Variants in MRPL45 observed in about 807,000 individuals in gnomAD.
MRPL45 encodes the protein mitochondrial ribosomal protein L45.
Under a neutral mutation model 38.1 loss-of-function variants are expected in MRPL45, and 20 were observed. The ratio of observed to expected loss-of-function variants is 0.53; its 90% CI spans 0.37 to 0.76. The LOEUF (loss-of-function observed/expected upper bound fraction) is 0.76, where lower values mean the gene tolerates loss of function less well. Among genes scored for constraint, MRPL45 ranks in the 30% least tolerant of loss-of-function variants. The pLI is 0.00. For synonymous variants in MRPL45, 105 were observed against 128.8 expected (o/e 0.82, Z 1.25); for missense variants, 337 against 395.6 (o/e 0.85, Z 1.26).
chr17:38,308,209 C>T (rs1422260911), intron 4 of MRPL45, among the ~76,000 whole-genome samples: 1 of 151,344 alleles, frequency 6.6e-6, no homozygotes, highest in African/African-American at 2.4e-5. Context: ...CAGCCTGTGC[C>T]TCCTGGGTTC....
At chr17:38,322,458 G>A in intron 7 of MRPL45, 51 bp from the exon 8 acceptor site, 1 of 1,500,890 alleles carries the variant, frequency 6.7e-7, no homozygotes, top group Non-Finnish European at 9.2e-7. Flanking sequence ...AAGCTCTTCT[G>A]GGTCAGCCAT....
intron 4 of MRPL45, among the ~76,000 whole-genome samples, chr17:38,313,644 T>C (rs2144228361): frequency 6.6e-6 from 1 of 151,648 alleles, no homozygotes; most frequent in African/African-American, 2.4e-5. Context: ...TGGCCTTTTG[T>C]ACGTCTTCTT....
chr17:38,313,351 T>TATATATATATAC (rs2037141991), intron 4 of MRPL45, among the ~76,000 whole-genome samples: 4 of 20,048 alleles, frequency 2.0e-4, no homozygotes, highest in South Asian at 2.1e-3. Flanking sequence ...TATATACGTA[T>TATATATATATAC]ATATATATAT....
chr17:38,320,935 G>T (rs567239563), intron 6 of MRPL45, among the ~76,000 whole-genome samples, 168 bp downstream of exon 6: 3 of 152,046 alleles, frequency 2.0e-5, no homozygotes, highest in Admixed American at 6.6e-5. Flanking sequence ...TTACATGTTG[G>T]CTCTACTAAG....
In MRPL45 at chr17:38,322,280, C is replaced by G. The variant is rs201020968; in HGVS notation, c.815C>G (p.Pro272Arg). Residue 272 changes from proline (P) to arginine (R), a missense_variant, in exon 7 of 8, where the codon CCT becomes CGT. This residue lies in a region of MRPL45 where 251 missense variants were observed against 269.1 expected (regional missense o/e 0.93). Coordinates refer to ENST00000613675, the MANE Select transcript of MRPL45 (RefSeq NM_032351.6). The part of the protein sequence containing the change: ...HTKIVPPWAP[P>R]KQPILKTVMI... ...AAGATCGTTCCCCCATGGGCACCCC[C>G]TAAGCAGCCCATCCTTAAGGTAAGG... 4.0e-5 allele frequency: 65 copies of G among 1,613,922 alleles called. No homozygotes were observed. In the Admixed American group the frequency reaches 4.8e-4, roughly 12 times the overall value.
intron 3 of MRPL45, among the ~76,000 whole-genome samples, chr17:38,301,703 A>C (rs2036997527): frequency 6.6e-6 from 1 of 152,352 alleles, no homozygotes; most frequent in African/African-American, 2.4e-5. Context: ...GATGATGAAC[A>C]AAGCACATAC....
chr17:38,313,351 T>TATATATATACATATATATATATAC (rs2037141967), intron 4 of MRPL45, among the ~76,000 whole-genome samples: 2 of 20,050 alleles, frequency 1.0e-4, no homozygotes, highest in African/African-American at 4.6e-4. Flanking sequence ...TATATACGTA[T>TATATATATACATATATATATATAC]ATATATATAT....
At chr17:38,316,053 GT>G (rs2037170173) in intron 4 of MRPL45, among the ~76,000 whole-genome samples, 1 of 152,130 alleles carries the variant, frequency 6.6e-6, no homozygotes, top group Non-Finnish European at 1.5e-5. Context: ...GGGATTACAG[GT>G]ATGAGCCATT....
intron 4 of MRPL45, among the ~76,000 whole-genome samples, chr17:38,307,512 A>C (rs2037067061): frequency 6.6e-6 from 1 of 151,976 alleles, no homozygotes; most frequent in Non-Finnish European, 1.5e-5. Context: ...GCTAATTAAA[A>C]TAAACTTTTT....
chr17:38,304,957 C>T (rs1298925694), intron 3 of MRPL45, among the ~76,000 whole-genome samples: 1 of 151,460 alleles, frequency 6.6e-6, no homozygotes, highest in Non-Finnish European at 1.5e-5. Flanking sequence ...AGTGATTCTT[C>T]TGCCTCAGTC....
intron 4 of MRPL45, among the ~76,000 whole-genome samples, chr17:38,316,737 CAAAAAAA>C (rs61383463): frequency 4.9e-4 from 30 of 61,236 alleles, no homozygotes; most frequent in East Asian, 2.8e-3. Context: ...TGGTGCAATC[CAAAAAAA>C]AAAAAAAAAA....
At chr17:38,319,388 C>T (rs1388002232) in intron 5 of MRPL45, among the ~76,000 whole-genome samples, 1 of 152,006 alleles carries the variant, frequency 6.6e-6, no homozygotes, top group South Asian at 2.1e-4. Flanking sequence ...AGGCTGGTCT[C>T]CAACTCCCGA....
chr17:38,313,889 C>T (rs1467492430), intron 4 of MRPL45, among the ~76,000 whole-genome samples: 1 of 152,110 alleles, frequency 6.6e-6, no homozygotes, highest in East Asian at 1.9e-4. Flanking sequence ...TCTCGAACTC[C>T]TGACCTCAGA....
intron 4 of MRPL45, among the ~76,000 whole-genome samples, chr17:38,313,481 CA>C (rs1219325978): frequency 6.8e-6 from 1 of 146,844 alleles, no homozygotes; most frequent in African/African-American, 2.5e-5. Flanking sequence ...CTCGGCCTCC[CA>C]AAATGCTAGG....
At chr17:38,309,065 C>T (rs2037082139) in intron 4 of MRPL45, among the ~76,000 whole-genome samples, 1 of 151,124 alleles carries the variant, frequency 6.6e-6, no homozygotes, top group Admixed American at 6.6e-5. Flanking sequence ...TGCCACCACG[C>T]CCAGCTAATT....
chr17:38,317,935 C>T (rs1322125969), intron 4 of MRPL45, among the ~76,000 whole-genome samples: 1 of 151,620 alleles, frequency 6.6e-6, no homozygotes, highest in Non-Finnish European at 1.5e-5. Context: ...CTGGCAGCAA[C>T]AAGATAAAGG....
At chr17:38,314,370 C>T (rs1233225748) in intron 4 of MRPL45, among the ~76,000 whole-genome samples, 2 of 151,664 alleles carry the variant, frequency 1.3e-5, no homozygotes, top group Non-Finnish European at 2.9e-5. Context: ...TCCCAAAGTG[C>T]TGGGATTACA....
intron 4 of MRPL45, among the ~76,000 whole-genome samples, chr17:38,313,314 ATAT>A: frequency 6.9e-4 from 1 of 1,440 alleles, no homozygotes; most frequent in South Asian, 0.028. Context: ...AAAAAAAAAT[ATAT>A]ATATATATAT....
intron 6 of MRPL45, among the ~76,000 whole-genome samples, chr17:38,321,129 C>T (rs1486248073): frequency 1.3e-5 from 2 of 152,056 alleles, no homozygotes; most frequent in South Asian, 2.1e-4. Flanking sequence ...GGGCACGCAA[C>T]CATGCCTGGC....
Sources: allele counts gnomAD v4.1 joint callset (sites outside exome capture counted in the v4.1 genomes callset), GRCh38; gene constraint gnomAD v4.1.1; regional missense constraint gnomAD v4.1.1; transcripts MANE v1.5; gene names NCBI Gene and HGNC (gene_info 2026-07-23, HGNC 2026-07-21).